The following CSMD2 variants were observed in gnomAD, a reference collection of about 807,000 sequenced individuals.
CSMD2 encodes the protein CUB and Sushi multiple domains 2.
A neutral mutation model predicts 398.5 loss-of-function variants in CSMD2; 130 were observed. The observed-to-expected ratio is 0.33, with a 90% CI of 0.28 to 0.38. The LOEUF is 0.38. Among genes scored for constraint, CSMD2 ranks in the 10% least tolerant of loss-of-function variants. The pLI is 1.00. For missense variants in CSMD2, 3,829 were observed against 4,764.9 expected, an observed-to-expected ratio of 0.80 and a Z score of 5.78; for synonymous variants, 1,828 against 1,908.5, an observed-to-expected ratio of 0.96 and a Z score of 1.10.
intron 2 of CSMD2, among the ~76,000 whole-genome samples, chr1:34,074,375 G>A (rs917090963): frequency 6.6e-6 from 1 of 152,216 alleles, no homozygotes; most frequent in Non-Finnish European, 1.5e-5. Context: ...GGGCATACAG[G>A]GTCCCTGGTG....
At chr1:33,847,076 T>C (rs1570248493) in intron 5 of CSMD2, 80 bp from the exon 6 acceptor site, 3 of 899,008 alleles carry the variant, frequency 3.3e-6, no homozygotes, top group East Asian at 3.0e-5. Context: ...GTTCCTCCAC[T>C]TCCCTTGAGT....
chr1:33,521,428 CG>C, intron 68 of CSMD2, 34 bp downstream of exon 68: 1 of 1,165,602 alleles, frequency 8.6e-7, no homozygotes, highest in Non-Finnish European at 1.3e-6. Flanking sequence ...CCCACCCACC[CG>C]GGCCCACACT....
At chr1:33,912,572 T>C (rs1431602467) in intron 5 of CSMD2, among the ~76,000 whole-genome samples, 1 of 151,928 alleles carries the variant, frequency 6.6e-6, no homozygotes, top group Non-Finnish European at 1.5e-5. Context: ...GAAGGCCCAA[T>C]AGAACCCTCC....
intron 5 of CSMD2, among the ~76,000 whole-genome samples, chr1:33,889,989 ACACACT>A (rs1419032509): frequency 1.3e-5 from 2 of 152,112 alleles, no homozygotes; most frequent in African/African-American, 4.8e-5. Flanking sequence ...ACACATACAC[ACACACT>A]CACACAATAC....
chr1:33,715,701 G>A (rs940156622), intron 20 of CSMD2, among the ~76,000 whole-genome samples: 1 of 152,160 alleles, frequency 6.6e-6, no homozygotes, highest in African/African-American at 2.4e-5. Flanking sequence ...GGTGGAGGGA[G>A]GTACTCTGGG....
chr1:34,080,622 T>C (rs985720652), intron 2 of CSMD2, among the ~76,000 whole-genome samples: 1 of 151,998 alleles, frequency 6.6e-6, no homozygotes, highest in African/African-American at 2.4e-5. Flanking sequence ...AAATTGCAAT[T>C]AGAAACTCTT....
rs115709928 is a variant in CSMD2, at chr1:33,925,331, C to T, written c.713-7030G>A. ...CTTCCCCTAATGCATGTTCTTGGTG[C>T]CTTTGCTGAAAATCAGTTGGCTGTA... On this transcript the variant is annotated intron_variant, in intron 4 of 70. Transcript: ENST00000373381. Among the ~76,000 whole-genome samples the T allele has an allele frequency of 1.5e-3, 232 of 152,172 alleles. 2 individuals are homozygous for T. The highest frequency in any genetic ancestry group is 4.9e-3 in the African/African-American group (204 of 41,524).
chr1:33,953,394 CT>C (rs1257226647), intron 3 of CSMD2, among the ~76,000 whole-genome samples: 1 of 152,084 alleles, frequency 6.6e-6, no homozygotes, highest in Non-Finnish European at 1.5e-5. Context: ...TCACATGCCC[CT>C]GAATCCTCGC....
chr1:34,026,852 A>G (rs1391425223), intron 3 of CSMD2, among the ~76,000 whole-genome samples: 1 of 152,188 alleles, frequency 6.6e-6, no homozygotes, highest in African/African-American at 2.4e-5. Context: ...GGCTTCCATG[A>G]ACTCGGAGTG....
At chr1:33,989,047 T>C (rs61771368) in intron 3 of CSMD2, among the ~76,000 whole-genome samples, 4 of 53,516 alleles carry the variant, frequency 7.5e-5, no homozygotes, top group Admixed American at 1.6e-4. Context: ...TATATATATA[T>C]ATATATATAT....
rs1646680642 is a variant in CSMD2, at chr1:33,730,386, C to CT, written c.2369-3702dup. 3.3e-5 allele frequency among the ~76,000 whole-genome samples: 5 copies of CT among 152,140 alleles called. No homozygotes were observed. In the South Asian group the frequency reaches 1.0e-3, roughly 32 times the overall value. ...GAAGCTAGGCTTTCTCAGAATATAC[C>CT]TTTTTTATATATTTAGCTTTGGAAC... On this transcript the variant is annotated intron_variant, in intron 15 of 70. Coordinates refer to ENST00000373381, the MANE Select transcript of CSMD2 (RefSeq NM_001281956.2).
intron 2 of CSMD2, among the ~76,000 whole-genome samples, chr1:34,083,221 G>A (rs1266226611): frequency 6.6e-6 from 1 of 152,164 alleles, no homozygotes; most frequent in Non-Finnish European, 1.5e-5. Flanking sequence ...ACAAAAAAGT[G>A]CAGCATGGAA....
intron 3 of CSMD2, among the ~76,000 whole-genome samples, chr1:33,962,245 T>G (rs941045757): frequency 1.3e-5 from 2 of 152,078 alleles, no homozygotes; most frequent in African/African-American, 4.8e-5. Flanking sequence ...TTTTTAATGA[T>G]GAGGAGCATG....
intron 6 of CSMD2, among the ~76,000 whole-genome samples, chr1:33,829,301 G>T (rs1659194226): frequency 6.6e-6 from 1 of 152,144 alleles, no homozygotes; most frequent in African/African-American, 2.4e-5. Flanking sequence ...TCACTGAGGG[G>T]TAAGCTCTAG....
intron 3 of CSMD2, among the ~76,000 whole-genome samples, chr1:33,962,284 G>A (rs915969073): frequency 6.6e-6 from 1 of 152,056 alleles, no homozygotes; most frequent in Non-Finnish European, 1.5e-5. Context: ...CTGGGGAGGG[G>A]GAGCGAGTTC....
chr1:33,963,102 T>C (rs1645424905), intron 3 of CSMD2, among the ~76,000 whole-genome samples: 1 of 152,200 alleles, frequency 6.6e-6, no homozygotes, highest in Non-Finnish European at 1.5e-5. Flanking sequence ...CTAAAGCCTG[T>C]CTTCCTCACC....
chr1:33,688,140 T>C (rs1254129615), intron 25 of CSMD2, among the ~76,000 whole-genome samples: 1 of 152,176 alleles, frequency 6.6e-6, no homozygotes, highest in African/African-American at 2.4e-5. Context: ...AATAAGAATG[T>C]TGGAGTGAAA....
chr1:33,536,996 G>T (rs754884986), intron 62 of CSMD2, 26 bp downstream of exon 62: 7 of 1,601,292 alleles, frequency 4.4e-6, no homozygotes, highest in Admixed American at 3.3e-5. Flanking sequence ...GATGTAGGAA[G>T]ACCCTATCTT....
chr1:33,889,753 C>G (rs1384246890), intron 5 of CSMD2, among the ~76,000 whole-genome samples: 2 of 148,176 alleles, frequency 1.3e-5, no homozygotes, highest in East Asian at 4.0e-4. Context: ...ACCTCCTATC[C>G]TGTGTGTGTG....
Sources: gnomAD v4.1 joint callset for allele counts (sites outside exome capture counted in the v4.1 genomes callset) on GRCh38, gnomAD v4.1.1 for gene constraint, MANE v1.5 for transcripts, NCBI Gene and HGNC (gene_info 2026-07-23, HGNC 2026-07-21) for gene names.